ROR1: variants seen among roughly 807,000 people sequenced by gnomAD.
ROR1 encodes inactive tyrosine-protein kinase transmembrane receptor ROR1.
Under a neutral mutation model 78.8 loss-of-function variants are expected in ROR1, and 19 were observed. The ratio of observed to expected loss-of-function variants is 0.24; its 90% confidence interval spans 0.17 to 0.35. ROR1 has a LOEUF of 0.35. Among genes scored for constraint, ROR1 ranks in the 10% least tolerant of loss-of-function variants. The pLI, the probability that ROR1 is intolerant of heterozygous loss-of-function variation, is 1.00. For synonymous variants in ROR1, 386 were observed against 433.6 expected (o/e 0.89, Z 1.36); for missense variants, 917 against 1,177.8 (o/e 0.78, Z 3.24).
intron 1 of ROR1, among the ~76,000 whole-genome samples, chr1:63,938,728 G>A (rs1430432534): frequency 2.0e-5 from 3 of 152,122 alleles, no homozygotes; most frequent in Non-Finnish European, 4.4e-5. Context: ...GGGTGCAGTG[G>A]CTTGTGCCCA....
At chr1:63,796,545 T>C (rs536882957) in intron 1 of ROR1, among the ~76,000 whole-genome samples, 39 of 152,232 alleles carry the variant, frequency 2.6e-4, no homozygotes, top group Non-Finnish European at 4.6e-4. Flanking sequence ...TATTAAAATA[T>C]AGTTACGAAG....
intron 1 of ROR1, among the ~76,000 whole-genome samples, chr1:63,936,442 A>G (rs558252883): frequency 1.2e-4 from 18 of 152,258 alleles, no homozygotes; most frequent in African/African-American, 3.9e-4. Flanking sequence ...CTGTTTTCTA[A>G]AACACCCTTA....
At chr1:63,799,796 C>G (rs1644784727) in intron 1 of ROR1, among the ~76,000 whole-genome samples, 1 of 152,000 alleles carries the variant, frequency 6.6e-6, no homozygotes, top group Admixed American at 6.5e-5. Flanking sequence ...GAGCCTGGCA[C>G]AAATCAAAGA....
In ROR1 at chr1:64,059,666, T is replaced by G. The variant is rs370464262; in HGVS notation, c.482+8950T>G. ...AGAGGTTGCAGTGAACCGAGATCAT[T>G]CCACTACATTCCAGCCTGGGTGACA... On this transcript the variant is annotated intron_variant, in intron 4 of 8. Coordinates refer to ENST00000371079, the MANE Select transcript of ROR1 (RefSeq NM_005012.4). Among the ~76,000 whole-genome samples the G allele has an allele frequency of 1.1e-3, 158 of 146,978 alleles. 1 individual carries two copies. Among genetic ancestry groups the G allele is most frequent in the African/African-American group, 3.7e-3 (146 of 39,596 alleles).
intron 1 of ROR1, among the ~76,000 whole-genome samples, chr1:63,813,206 A>C (rs1356026670): frequency 6.6e-6 from 1 of 152,232 alleles, no homozygotes; most frequent in African/African-American, 2.4e-5. Context: ...GAAAAAACTA[A>C]ATGGGGGAGC....
At chr1:63,932,148 C>T (rs1385748283) in intron 1 of ROR1, among the ~76,000 whole-genome samples, 1 of 152,154 alleles carries the variant, frequency 6.6e-6, no homozygotes, top group East Asian at 1.9e-4. Context: ...GTATTATTAA[C>T]CTCAGTTACT....
At chr1:63,898,608 G>A (rs1013731890) in intron 1 of ROR1, among the ~76,000 whole-genome samples, 1 of 151,758 alleles carries the variant, frequency 6.6e-6, no homozygotes, top group South Asian at 2.1e-4. Flanking sequence ...AAAAAGGAAA[G>A]AAGAGAGGGA....
At chr1:63,899,230 C>A (rs937937777) in intron 1 of ROR1, among the ~76,000 whole-genome samples, 3 of 152,092 alleles carry the variant, frequency 2.0e-5, no homozygotes, top group Admixed American at 2.0e-4. Context: ...TCCACAAAAT[C>A]CACATTCAGA....
intron 4 of ROR1, among the ~76,000 whole-genome samples, chr1:64,103,527 T>C (rs1204410793): frequency 6.6e-6 from 1 of 152,206 alleles, no homozygotes; most frequent in Non-Finnish European, 1.5e-5. Context: ...TTCAATATAT[T>C]TAACTGCAAT....
intron 1 of ROR1, among the ~76,000 whole-genome samples, chr1:63,806,315 T>TA (rs146969137): frequency 0.22 from 32,135 of 144,014 alleles, 4,135 homozygotes; most frequent in African/African-American, 0.37. Flanking sequence ...ACTGTCAGAC[T>TA]ATTTTTTTTT....
intron 1 of ROR1, among the ~76,000 whole-genome samples, chr1:63,849,060 G>T (rs1645098495): frequency 6.6e-6 from 1 of 152,160 alleles, no homozygotes; most frequent in African/African-American, 2.4e-5. Flanking sequence ...GGATGAGTGT[G>T]CTATGCCTGG....
intron 2 of ROR1, among the ~76,000 whole-genome samples, chr1:64,032,363 A>G (rs1246293197): frequency 2.2e-5 from 3 of 139,110 alleles, no homozygotes; most frequent in Non-Finnish European, 4.8e-5. Context: ...AAAAAAAAAA[A>G]TGCAAAAAGC....
intron 1 of ROR1, among the ~76,000 whole-genome samples, chr1:63,975,524 G>T: frequency 6.6e-6 from 1 of 152,170 alleles, no homozygotes; most frequent in East Asian, 1.9e-4. Flanking sequence ...CTTTGGGTCA[G>T]CTGTCTTCCA....
At chr1:64,037,421 C>G (rs1041673602) in intron 2 of ROR1, among the ~76,000 whole-genome samples, 1 of 152,282 alleles carries the variant, frequency 6.6e-6, no homozygotes, top group Admixed American at 6.5e-5. Flanking sequence ...TTTGCTAGCC[C>G]GAGCTGCAGT....
At chr1:64,170,797 CA>C (rs1392425995) in intron 8 of ROR1, among the ~76,000 whole-genome samples, 3 of 152,170 alleles carry the variant, frequency 2.0e-5, no homozygotes, top group African/African-American at 7.2e-5. Flanking sequence ...TCATCTCTCT[CA>C]AGTTCAAAGT....
intron 8 of ROR1, among the ~76,000 whole-genome samples, chr1:64,169,225 G>A (rs1357104001): frequency 6.6e-6 from 1 of 152,186 alleles, no homozygotes; most frequent in Non-Finnish European, 1.5e-5. Flanking sequence ...TTCCTCTGAT[G>A]GGGTGTATTA....
At chr1:63,935,563 G>T (rs997395523) in intron 1 of ROR1, among the ~76,000 whole-genome samples, 2 of 152,168 alleles carry the variant, frequency 1.3e-5, no homozygotes, top group Non-Finnish European at 2.9e-5. Context: ...TTTAAATTCT[G>T]TGGGTAGTTT....
intron 1 of ROR1, among the ~76,000 whole-genome samples, chr1:63,804,834 C>T (rs1644818287): frequency 6.6e-6 from 1 of 152,138 alleles, no homozygotes; most frequent in South Asian, 2.1e-4. Flanking sequence ...GTTAAGGTCA[C>T]TGCAGCAGAG....
chr1:63,945,042 C>A (rs1450558237), intron 1 of ROR1, among the ~76,000 whole-genome samples: 3 of 151,734 alleles, frequency 2.0e-5, no homozygotes, highest in Non-Finnish European at 4.4e-5. Flanking sequence ...TTTTTATATC[C>A]CAGGAGATTA....
Sources: allele counts gnomAD v4.1 joint callset (sites outside exome capture counted in the v4.1 genomes callset), GRCh38; gene constraint gnomAD v4.1.1; transcripts MANE v1.5; gene names NCBI Gene and HGNC (gene_info 2026-07-23, HGNC 2026-07-21).